The following TAMM41 variants were observed in gnomAD, a reference collection of about 807,000 sequenced individuals.
TAMM41 encodes TAM41 mitochondrial translocator assembly and maintenance homolog.
A neutral mutation model predicts 44.1 loss-of-function variants in TAMM41; 36 were observed. That is an observed-to-expected ratio of 0.82 (90% CI 0.63 to 1.08). TAMM41 has a LOEUF of 1.08. Among genes scored for constraint, TAMM41 ranks in the 50% least tolerant of loss-of-function variants. The pLI, the probability that TAMM41 is intolerant of heterozygous loss-of-function variation, is 0.00. For missense variants in TAMM41, 417 were observed against 404.3 expected, an observed-to-expected ratio of 1.03 and a Z score of -0.27; for synonymous variants, 164 against 153.1, an observed-to-expected ratio of 1.07 and a Z score of -0.53.
the TAMM41 span, chr3:11,771,125 G>C: frequency 6.6e-6 from 1 of 152,448 alleles, no homozygotes; most frequent in Non-Finnish European, 1.5e-5. Flanking sequence ...CAACAGGCAC[G>C]CCCTTTATGA....
chr3:11,728,989 CA>C, the TAMM41 span, among the ~76,000 whole-genome samples: 3 of 136,264 alleles, frequency 2.2e-5, no homozygotes, highest in African/African-American at 8.2e-5. Flanking sequence ...GCCTGGGAGA[CA>C]AGAGCAAGAC....
chr3:11,766,864 C>A, the TAMM41 span, among the ~76,000 whole-genome samples: 1 of 152,092 alleles, frequency 6.6e-6, no homozygotes, highest in African/African-American at 2.4e-5. Context: ...CCACTGCATC[C>A]GACCTAGAGT....
the TAMM41 span, among the ~76,000 whole-genome samples, chr3:11,752,540 C>A: frequency 6.6e-6 from 1 of 150,876 alleles, no homozygotes; most frequent in Admixed American, 6.6e-5. Flanking sequence ...ATTTTACAAT[C>A]CTCTTGTAAG....
At chr3:11,824,118 C>T (rs376926620) in intron 4 of TAMM41, among the ~76,000 whole-genome samples, 15 of 151,510 alleles carry the variant, frequency 9.9e-5, no homozygotes, top group East Asian at 7.9e-4. Context: ...TGAGCCACTG[C>T]GCCCGGCCTA....
At chr3:11,825,696 C>G (rs1392890946) in intron 4 of TAMM41, among the ~76,000 whole-genome samples, 1 of 152,144 alleles carries the variant, frequency 6.6e-6, no homozygotes, top group East Asian at 1.9e-4. Flanking sequence ...TAGGAGAGTG[C>G]CCGAAAGTGT....
In TAMM41 at chr3:11,846,864, G is replaced by A. The variant is rs991035960; in HGVS notation, c.-228C>T. Reference sequence around the variant, plus strand: ...CCCAGATAGGCTCGGGTGGGCGGCGGTCGCACAGGCAGAGCTTCCGTCCCT... The same window carrying A: ...CCCAGATAGGCTCGGGTGGGCGGCGATCGCACAGGCAGAGCTTCCGTCCCT... On this transcript the variant is annotated 5_prime_UTR_variant, in exon 1 of 8. Transcript: ENST00000455809. 3 of 555,856 alleles carry A rather than the reference G, an allele frequency of 5.4e-6. No homozygotes were observed. Among genetic ancestry groups the A allele is most frequent in the African/African-American group, 3.8e-5 (2 of 52,708 alleles). The allele number at this position is 555,856 out of a possible 1,614,324, so 34.4% of individuals were successfully genotyped here.
the TAMM41 span, among the ~76,000 whole-genome samples, chr3:11,775,405 C>T: frequency 6.6e-6 from 1 of 152,190 alleles, no homozygotes; most frequent in Admixed American, 6.5e-5. Flanking sequence ...CAACTTACCC[C>T]TCGACTGTCT....
At chr3:11,782,524 G>A in the TAMM41 span, among the ~76,000 whole-genome samples, 2,671 of 150,270 alleles carry the variant, frequency 0.018, 83 homozygotes, top group African/African-American at 0.061. Flanking sequence ...TCCGGCCTGG[G>A]TGACAGAATG....
At chr3:11,749,211 C>A in the TAMM41 span, among the ~76,000 whole-genome samples, 1 of 152,146 alleles carries the variant, frequency 6.6e-6, no homozygotes, top group African/African-American at 2.4e-5. Flanking sequence ...CTGCGCCCTG[C>A]TAGAAATGGA....
In TAMM41 at chr3:11,846,712, G is replaced by A. The variant is rs1227300023; in HGVS notation, c.-76C>T. The A allele has an allele frequency of 3.8e-6, 6 of 1,586,986 alleles. No individual in the cohort carries two copies. In the South Asian group the frequency reaches 4.5e-5, roughly 12 times the overall value. On this transcript the variant is annotated 5_prime_UTR_variant, in exon 1 of 8. Transcript: ENST00000455809. ...GGCGGGGAACAGACACCGGGTAGGC[G>A]GTTTAGGGTGGGAAATGGAAGTCGG...
Position 11,836,788 on chromosome 3 carries a change from CAAACAAAACAAA to C in TAMM41, c.411+2422_411+2433del, listed in dbSNP as rs1270100854. Among the ~76,000 whole-genome samples, 4 of 152,090 alleles carry C rather than the reference CAAACAAAACAAA, an allele frequency of 2.6e-5. No homozygotes were observed. In the East Asian group the frequency reaches 5.8e-4, roughly 22 times the overall value. Reference sequence around the variant, plus strand: ...CCATCTTTTGTATATTTAAAACAAACAAACAAAACAAAAAACAAAACAAAAAACCCTTGGAAA... The same window carrying C: ...CCATCTTTTGTATATTTAAAACAAACAAACAAAACAAAAAACCCTTGGAAA... On this transcript the variant is annotated intron_variant, in intron 3 of 7. Transcript: ENST00000455809.
the TAMM41 span, among the ~76,000 whole-genome samples, chr3:11,753,094 A>G: frequency 6.6e-6 from 1 of 152,020 alleles, no homozygotes; most frequent in East Asian, 1.9e-4. Context: ...GGATGAAGTG[A>G]TGGGGGAATG....
chr3:11,814,502 G>A (rs1002190091), intron 5 of TAMM41, among the ~76,000 whole-genome samples: 7 of 146,856 alleles, frequency 4.8e-5, no homozygotes, highest in Admixed American at 1.4e-4. Flanking sequence ...ACGAAGAGAC[G>A]AGAGAGAGAG....
chr3:11,838,341 C>G (rs1191981852), intron 3 of TAMM41, among the ~76,000 whole-genome samples: 4 of 152,300 alleles, frequency 2.6e-5, no homozygotes, highest in African/African-American at 7.2e-5. Flanking sequence ...CAGCCTCCCC[C>G]AGTAGCTGGG....
intron 3 of TAMM41, chr3:11,832,977 G>A: frequency 9.8e-7 from 1 of 1,019,616 alleles, no homozygotes; most frequent in Non-Finnish European, 1.2e-6. Context: ...TTAAGATTAA[G>A]AGGATGAAAA....
chr3:11,776,704 G>A, the TAMM41 span, among the ~76,000 whole-genome samples: 1 of 152,174 alleles, frequency 6.6e-6, no homozygotes, highest in Non-Finnish European at 1.5e-5. Flanking sequence ...GTCATTAAGT[G>A]ACACGTGACT....
At chr3:11,742,418 A>C in the TAMM41 span, among the ~76,000 whole-genome samples, 2 of 150,324 alleles carry the variant, frequency 1.3e-5, no homozygotes, top group Non-Finnish European at 2.9e-5. Flanking sequence ...ATGCATCAGT[A>C]GGCCTTTCCT....
chr3:11,757,560 T>C, the TAMM41 span, among the ~76,000 whole-genome samples: 7 of 152,288 alleles, frequency 4.6e-5, no homozygotes, highest in Non-Finnish European at 7.3e-5. Context: ...CAAACAGAGT[T>C]GGCACTCTTG....
At chr3:11,835,851 G>A (rs1450203104) in intron 3 of TAMM41, among the ~76,000 whole-genome samples, 1 of 152,124 alleles carries the variant, frequency 6.6e-6, no homozygotes, top group African/African-American at 2.4e-5. Flanking sequence ...AAAACACCCC[G>A]AGGCTTAGGG....
Sources: allele counts gnomAD v4.1 joint callset (sites outside exome capture counted in the v4.1 genomes callset), GRCh38; gene constraint gnomAD v4.1.1; transcripts MANE v1.5; gene names NCBI Gene and HGNC (gene_info 2026-07-23, HGNC 2026-07-21).